Variants in HS3ST3A1 observed in about 807,000 individuals in gnomAD.
HS3ST3A1 encodes heparan sulfate-glucosamine 3-sulfotransferase 3A1, also known as heparan sulfate glucosamine 3-O-sulfotransferase 3A1.
In HS3ST3A1, 19 loss-of-function variants were observed where a neutral mutation model predicts 25.7. The observed-to-expected ratio is 0.74, with a 90% CI of 0.52 to 1.08. The LOEUF is 1.08. Ranked by LOEUF, HS3ST3A1 falls within the 50% of genes least tolerant of loss-of-function variation. The probability of loss-of-function intolerance (pLI) is 0.00; values close to 1 mark genes in which losing one functional copy is unlikely to be tolerated. For missense variants in HS3ST3A1, 459 were observed against 594.3 expected (o/e 0.77, Z 2.37); for synonymous variants, 226 against 278.6 (o/e 0.81, Z 1.88).
At chr17:13,522,020 G>A (rs2142319710) in intron 1 of HS3ST3A1, among the ~76,000 whole-genome samples, 1 of 152,238 alleles carries the variant, frequency 6.6e-6, no homozygotes, top group African/African-American at 2.4e-5. Flanking sequence ...GTGGCCAAAT[G>A]TCTCCTGGGG....
rs544587547 is a variant in HS3ST3A1, at chr17:13,564,296, C to A, written c.599+36235G>T. ...CTCAAAAGGTTCAGATGCTTTTTGG[C>A]AGAGATTTATTTTTTCTGAGTAAAT... is the stretch of plus-strand genomic sequence containing the variant. On this transcript the variant is annotated intron_variant, in intron 1 of 1. Transcript: ENST00000284110. Among the ~76,000 whole-genome samples the A allele has an allele frequency of 1.7e-3, 258 of 152,228 alleles. 1 individual carries two copies. Among genetic ancestry groups the A allele is most frequent in the Middle Eastern group, 0.014 (4 of 294 alleles).
At chr17:13,571,967 C>A (rs1004374055) in intron 1 of HS3ST3A1, among the ~76,000 whole-genome samples, 1 of 152,080 alleles carries the variant, frequency 6.6e-6, no homozygotes, top group African/African-American at 2.4e-5. Context: ...GCCACACTAG[C>A]CAGTTGGTCT....
In HS3ST3A1 at chr17:13,585,186, C is replaced by CTTTTTTTTTTTTTTTTTTTTTTTTTTT. The variant is rs71144977; in HGVS notation, c.599+15318_599+15344dup. ...CAATCTAAATACTCATTTTTCTGTG[C>CTTTTTTTTTTTTTTTTTTTTTTTTTTT]TTTTTTTTTTTTTTTTTTTTTTTTT... On this transcript the variant is annotated intron_variant, in intron 1 of 1. Coordinates refer to ENST00000284110, the MANE Select transcript of HS3ST3A1 (RefSeq NM_006042.3). 2.1e-4 allele frequency among the ~76,000 whole-genome samples: 7 copies of CTTTTTTTTTTTTTTTTTTTTTTTTTTT among 33,246 alleles called. 1 individual carries two copies. The East Asian group carries it at 4.2e-3, about 20-fold the overall frequency. 21.8% of individuals were successfully genotyped at this position (33,246 alleles called of 152,430 possible).
chr17:13,531,268 C>G (rs573255824), intron 1 of HS3ST3A1, among the ~76,000 whole-genome samples: 1 of 152,248 alleles, frequency 6.6e-6, no homozygotes, highest in South Asian at 2.1e-4. Context: ...AAATCAAGAA[C>G]TCGGGGTTGT....
At chr17:13,499,255 C>G (rs1420725074) in intron 1 of HS3ST3A1, among the ~76,000 whole-genome samples, 1 of 152,146 alleles carries the variant, frequency 6.6e-6, no homozygotes, top group African/African-American at 2.4e-5. Flanking sequence ...GTGACTCCTT[C>G]TGTGGAACTG....
intron 1 of HS3ST3A1, among the ~76,000 whole-genome samples, chr17:13,501,927 G>C (rs887262344): frequency 6.6e-6 from 1 of 152,208 alleles, no homozygotes; most frequent in Non-Finnish European, 1.5e-5. Context: ...TACATTATTT[G>C]GAAGGGCAGA....
At chr17:13,559,383 T>G (rs1267495453) in intron 1 of HS3ST3A1, among the ~76,000 whole-genome samples, 1 of 152,048 alleles carries the variant, frequency 6.6e-6, no homozygotes, top group African/African-American at 2.4e-5. Flanking sequence ...ACTTCTACAC[T>G]CTTCTTACAC....
At chr17:13,587,749 A>T (rs1260531013) in intron 1 of HS3ST3A1, among the ~76,000 whole-genome samples, 3 of 152,146 alleles carry the variant, frequency 2.0e-5, no homozygotes, top group Non-Finnish European at 4.4e-5. Context: ...AAGACCTACC[A>T]CTACTTTGAT....
In HS3ST3A1 at chr17:13,600,780, G is replaced by T. The variant is rs1473856351; in HGVS notation, c.350C>A (p.Ser117Tyr). Residue 117 changes from serine to tyrosine, a missense_variant, in exon 1 of 2, where the codon TCC becomes TAC. Physicochemically the swap from Ser to Tyr is moderately radical, Grantham distance 144. Around this residue, in one of 3 missense-constraint regions of HS3ST3A1, gnomAD observed 346 missense variants for 303.9 expected, o/e 1.14. Transcript: ENST00000284110. ...DGEEAAWEEESPGLSGGPGGS... is the reference protein window; with the variant it reads ...DGEEAAWEEEYPGLSGGPGGS... ...GCCCGGACCCCCTGACAGGCCAGGG[G>T]ACTCTTCTTCCCAGGCCGCCTCCTC... is the stretch of plus-strand genomic sequence containing the variant. The T allele has an allele frequency of 2.0e-6, 3 of 1,474,318 alleles. No individual in the cohort carries two copies. Among genetic ancestry groups the T allele is most frequent in the South Asian group, 1.3e-5 (1 of 75,682 alleles). 91.3% of individuals were successfully genotyped at this position (1,474,318 alleles called of 1,614,324 possible). A position where few individuals can be genotyped will look rare whatever the true frequency, so the allele number is the denominator to read the frequency against.
At chr17:13,554,279 C>T (rs894116290) in intron 1 of HS3ST3A1, among the ~76,000 whole-genome samples, 1 of 152,168 alleles carries the variant, frequency 6.6e-6, no homozygotes, top group Non-Finnish European at 1.5e-5. Context: ...GAGCCTTCCA[C>T]GGATTCCAGA....
intron 1 of HS3ST3A1, among the ~76,000 whole-genome samples, chr17:13,502,600 T>C (rs1434398269): frequency 6.6e-6 from 1 of 152,236 alleles, no homozygotes; most frequent in Non-Finnish European, 1.5e-5. Context: ...CCTCTGGAAC[T>C]GCTACTGGCC....
chr17:13,570,738 G>GCCTCCCAAA (rs1373735307), intron 1 of HS3ST3A1, among the ~76,000 whole-genome samples: 1 of 152,186 alleles, frequency 6.6e-6, no homozygotes, highest in Non-Finnish European at 1.5e-5. Context: ...CCAAAGTGCT[G>GCCTCCCAAA]GGATTACGGG....
At chr17:13,545,667 T>A (rs1907066675) in intron 1 of HS3ST3A1, among the ~76,000 whole-genome samples, 5 of 152,160 alleles carry the variant, frequency 3.3e-5, no homozygotes, top group Non-Finnish European at 7.3e-5. Flanking sequence ...CCTCCGTTGC[T>A]CATGTCTGCA....
intron 1 of HS3ST3A1, among the ~76,000 whole-genome samples, chr17:13,501,126 A>G (rs928708112): frequency 3.9e-5 from 6 of 152,200 alleles, no homozygotes; most frequent in African/African-American, 1.4e-4. Flanking sequence ...ACAGAGAACT[A>G]TTGTTCAGTA....
In HS3ST3A1 at chr17:13,601,618, G is replaced by A. The variant is rs1196664655; in HGVS notation, c.-489C>T. 1 of 154,506 alleles carries A rather than the reference G, an allele frequency of 6.5e-6. No individual in the cohort carries two copies. Among genetic ancestry groups the A allele is most frequent in the Non-Finnish European group, 1.4e-5 (1 of 69,770 alleles). The allele number at this position is 154,506 out of a possible 1,614,324, so 9.6% of individuals were successfully genotyped here. On this transcript the variant is annotated 5_prime_UTR_variant, in exon 1 of 2. Transcript: ENST00000284110. ...CTGCGCTCCGTGCGCTCCAGACAGT[G>A]GCGAGCGACAGTGACTTCCAGCCCC... is the stretch of plus-strand genomic sequence containing the variant.
chr17:13,579,943 TA>T (rs66568347), intron 1 of HS3ST3A1, among the ~76,000 whole-genome samples: 18,028 of 82,004 alleles, frequency 0.22, 1,656 homozygotes, highest in African/African-American at 0.41. Flanking sequence ...TGACTCTGTC[TA>T]AAAAAAAAAA....
chr17:13,532,906 T>C (rs112607036), intron 1 of HS3ST3A1, among the ~76,000 whole-genome samples: 176 of 146,700 alleles, frequency 1.2e-3, no homozygotes, highest in Middle Eastern at 7.1e-3. Flanking sequence ...TATGTTTATA[T>C]ACACACACAC....
chr17:13,560,289 C>CAAAAAAAAAAAAAACAAA (rs1907498440), intron 1 of HS3ST3A1, among the ~76,000 whole-genome samples: 1 of 17,378 alleles, frequency 5.8e-5, no homozygotes, highest in Non-Finnish European at 1.1e-4. Context: ...CACTCGTCTC[C>CAAAAAAAAAAAAAACAAA]AAAAAAAAAA....
intron 1 of HS3ST3A1, among the ~76,000 whole-genome samples, chr17:13,597,571 GT>G (rs535234211): frequency 1.3e-5 from 2 of 151,142 alleles, no homozygotes; most frequent in Admixed American, 6.6e-5. Context: ...AATGAGGAGT[GT>G]TTTTTTTTAA....
Sources: gnomAD v4.1 joint callset for allele counts (sites outside exome capture counted in the v4.1 genomes callset) on GRCh38, gnomAD v4.1.1 for gene constraint, gnomAD v4.1.1 regional missense constraint, MANE v1.5 for transcripts, NCBI Gene and HGNC (gene_info 2026-07-23, HGNC 2026-07-21) for gene names.